Variants in PDE4D observed in about 807,000 individuals in gnomAD.
The protein encoded by PDE4D is 3',5'-cyclic-AMP phosphodiesterase 4D.
Under a neutral mutation model 87.4 loss-of-function variants are expected in PDE4D, and 24 were observed. The ratio of observed to expected loss-of-function variants is 0.27; its 90% CI spans 0.20 to 0.39. The LOEUF (loss-of-function observed/expected upper bound fraction) is 0.39. Among genes scored for constraint, PDE4D ranks in the 10% least tolerant of loss-of-function variants. The pLI is 1.00. For synonymous variants in PDE4D, 384 were observed against 383.2 expected, an observed-to-expected ratio of 1.00 and a Z score of -0.02; for missense variants, 714 against 1,041.0, an observed-to-expected ratio of 0.69 and a Z score of 4.32.
At chr5:59,782,877 G>T (rs1055905874) in intron 1 of PDE4D, among the ~76,000 whole-genome samples, 1 of 152,166 alleles carries the variant, frequency 6.6e-6, no homozygotes, top group South Asian at 2.1e-4. Flanking sequence ...TTATGTAATA[G>T]AATATGATGA....
rs114359072 is a variant in PDE4D, at chr5:60,127,890, A to G, written c.42+57667T>C. ...TGGGAAGTATAGTGTAAGGCAATAA[A>G]AAGGAGGACCACGCCTGAGGCATTG... On this transcript the variant is annotated intron_variant, in intron 2 of 16. Transcript: ENST00000502484. Among the ~76,000 whole-genome samples the G allele has an allele frequency of 2.7e-3, 405 of 152,248 alleles. 3 individuals are homozygous for G. The highest frequency in any genetic ancestry group is 9.4e-3 in the African/African-American group (390 of 41,550).
At chr5:60,052,374 C>A (rs944831626) in intron 2 of PDE4D, among the ~76,000 whole-genome samples, 1 of 152,192 alleles carries the variant, frequency 6.6e-6, no homozygotes, top group Non-Finnish European at 1.5e-5. Context: ...GGATACAAGG[C>A]TGGTTCAACA....
intron 1 of PDE4D, among the ~76,000 whole-genome samples, chr5:59,671,054 A>G (rs1296028323): frequency 6.6e-6 from 1 of 152,246 alleles, no homozygotes; most frequent in Non-Finnish European, 1.5e-5. Flanking sequence ...GAGTGTTTCC[A>G]TAGGTAGAGT....
At chr5:60,245,988 A>C (rs973126677) in intron 1 of PDE4D, among the ~76,000 whole-genome samples, 9 of 151,778 alleles carry the variant, frequency 5.9e-5, no homozygotes, top group Non-Finnish European at 1.0e-4. Flanking sequence ...CCCCATTTAC[A>C]CCCCATGTGA....
intron 1 of PDE4D, among the ~76,000 whole-genome samples, chr5:59,622,748 C>T (rs1430846269): frequency 6.6e-6 from 1 of 152,192 alleles, no homozygotes; most frequent in East Asian, 1.9e-4. Flanking sequence ...GCCCAATTCT[C>T]AAACAACATA....
At chr5:60,055,115 C>T (rs1460449766) in intron 2 of PDE4D, among the ~76,000 whole-genome samples, 2 of 152,062 alleles carry the variant, frequency 1.3e-5, no homozygotes, top group Non-Finnish European at 2.9e-5. Context: ...GCTTTCCCAG[C>T]AGCTAGGAGC....
intron 1 of PDE4D, among the ~76,000 whole-genome samples, chr5:59,459,689 T>C (rs964569986): frequency 6.6e-6 from 1 of 152,192 alleles, no homozygotes; most frequent in Non-Finnish European, 1.5e-5. Context: ...CTAATAAACT[T>C]TGTGGAGCTA....
chr5:59,588,546 G>A (rs1825514747), intron 1 of PDE4D, among the ~76,000 whole-genome samples: 2 of 152,184 alleles, frequency 1.3e-5, no homozygotes, highest in South Asian at 4.1e-4. Context: ...TCCCCAGTGA[G>A]GTCCTGTCAT....
chr5:59,481,811 G>GA (rs1160908585), intron 1 of PDE4D, among the ~76,000 whole-genome samples: 1 of 149,048 alleles, frequency 6.7e-6, no homozygotes, highest in Non-Finnish European at 1.5e-5. Flanking sequence ...TTTCAGTATT[G>GA]AAAAAAAAAT....
intron 2 of PDE4D, among the ~76,000 whole-genome samples, chr5:60,045,591 T>C (rs201016044): frequency 6.6e-6 from 1 of 152,202 alleles, no homozygotes; most frequent in Admixed American, 6.5e-5. Flanking sequence ...GGCTAGCCAG[T>C]TTTCCCAGCA....
intron 1 of PDE4D, among the ~76,000 whole-genome samples, chr5:59,556,234 T>C (rs553045234): frequency 1.3e-5 from 2 of 152,308 alleles, no homozygotes; most frequent in South Asian, 4.1e-4. Flanking sequence ...GAGTATCTCT[T>C]ACACACTTGT....
intron 1 of PDE4D, among the ~76,000 whole-genome samples, chr5:59,257,697 A>G (rs1761238813): frequency 6.6e-6 from 1 of 152,064 alleles, no homozygotes; most frequent in Non-Finnish European, 1.5e-5. Flanking sequence ...CTTGCTACTT[A>G]AAGTCAAAGT....
chr5:60,063,751 G>A (rs1413018402), intron 2 of PDE4D, among the ~76,000 whole-genome samples: 1 of 152,046 alleles, frequency 6.6e-6, no homozygotes, highest in Non-Finnish European at 1.5e-5. Flanking sequence ...TGGATAAAGA[G>A]GTAGGTAAGT....
chr5:59,586,197 G>A (rs919358724), intron 1 of PDE4D: 37 of 599,470 alleles, frequency 6.2e-5, no homozygotes, highest in African/African-American at 4.9e-4. Context: ...GACAATATTC[G>A]GTTTTGCACA....
chr5:60,330,502 C>T (rs1032409811), intron 1 of PDE4D, among the ~76,000 whole-genome samples: 10 of 152,186 alleles, frequency 6.6e-5, no homozygotes, highest in African/African-American at 1.9e-4. Context: ...TGGGGGTGAG[C>T]GGAGGGAAAG....
intron 1 of PDE4D, among the ~76,000 whole-genome samples, chr5:59,483,337 T>C (rs1350872031): frequency 6.6e-6 from 1 of 152,100 alleles, no homozygotes; most frequent in Non-Finnish European, 1.5e-5. Context: ...CTAATAAACA[T>C]AGAAATAAAT....
chr5:59,646,561 T>C (rs1426991544), intron 1 of PDE4D, among the ~76,000 whole-genome samples: 1 of 152,180 alleles, frequency 6.6e-6, no homozygotes, highest in Non-Finnish European at 1.5e-5. Context: ...TAAGTGTTGG[T>C]AGTATATGCA....
At chr5:60,227,182 A>C (rs1745217848) in intron 1 of PDE4D, among the ~76,000 whole-genome samples, 1 of 152,184 alleles carries the variant, frequency 6.6e-6, no homozygotes, top group Non-Finnish European at 1.5e-5. Context: ...TTCTACAATC[A>C]GAATTTAAAT....
At chr5:59,527,674 CTCTTT>C (rs1286284288) in intron 1 of PDE4D, among the ~76,000 whole-genome samples, 5 of 152,186 alleles carry the variant, frequency 3.3e-5, no homozygotes, top group African/African-American at 9.7e-5. Flanking sequence ...TCACTTTCTT[CTCTTT>C]TAATTCTGCT....
Sources: allele counts gnomAD v4.1 joint callset (sites outside exome capture counted in the v4.1 genomes callset), GRCh38; gene constraint gnomAD v4.1.1; transcripts MANE v1.5; gene names NCBI Gene and HGNC (gene_info 2026-07-23, HGNC 2026-07-21).